PSMD14: variants seen among roughly 807,000 people sequenced by gnomAD.
PSMD14 encodes the protein ubiquitin C-terminal hydrolase PSMD14.
A neutral mutation model predicts 41.2 loss-of-function variants in PSMD14; 7 were observed. The observed-to-expected ratio is 0.17, with a 90% CI of 0.10 to 0.32. The LOEUF (loss-of-function observed/expected upper bound fraction) is 0.32, where lower values mean the gene tolerates loss of function less well. Among genes scored for constraint, PSMD14 ranks in the 10% least tolerant of loss-of-function variants. The pLI, the probability that PSMD14 is intolerant of heterozygous loss-of-function variation, is 1.00. For synonymous variants in PSMD14, 114 were observed against 122.3 expected (o/e 0.93, Z 0.45); for missense variants, 139 against 375.6 (o/e 0.37, Z 5.21).
At chr2:161,325,868 T>A (rs1049759702) in intron 3 of PSMD14, among the ~76,000 whole-genome samples, 1 of 152,170 alleles carries the variant, frequency 6.6e-6, no homozygotes, top group Non-Finnish European at 1.5e-5. Context: ...ACTTGGTTTG[T>A]AATATAAGTG....
chr2:161,367,952 T>G (rs755163761), intron 5 of PSMD14, 49 bp downstream of exon 5: 2 of 1,565,096 alleles, frequency 1.3e-6, no homozygotes, highest in African/African-American at 2.7e-5. Context: ...TTTCTTTTCA[T>G]TTTTCTTTTC....
chr2:161,315,345 A>G (rs1332007135), intron 1 of PSMD14, among the ~76,000 whole-genome samples: 1 of 152,252 alleles, frequency 6.6e-6, no homozygotes. Context: ...ATTAGAGACT[A>G]GAGTGCTATA....
At chr2:161,360,058 ATG>A (rs1328658121) in intron 3 of PSMD14, among the ~76,000 whole-genome samples, 2 of 152,074 alleles carry the variant, frequency 1.3e-5, no homozygotes, top group African/African-American at 4.8e-5. Flanking sequence ...AAAAACAAAG[ATG>A]TGTTTTTCCA....
intron 3 of PSMD14, among the ~76,000 whole-genome samples, chr2:161,364,796 G>T (rs1025344500): frequency 2.6e-5 from 4 of 152,018 alleles, no homozygotes; most frequent in Non-Finnish European, 5.9e-5. Flanking sequence ...AGTATCACTG[G>T]CTGCTGTTTT....
At chr2:161,379,470 A>C (rs1013349917) in intron 7 of PSMD14, among the ~76,000 whole-genome samples, 23 of 152,032 alleles carry the variant, frequency 1.5e-4, no homozygotes, top group Non-Finnish European at 3.1e-4. Flanking sequence ...GAATTTCCCT[A>C]AGGAAATATA....
At chr2:161,308,709 G>A (rs1377102408) in intron 1 of PSMD14, 105 bp downstream of exon 1, 1 of 152,478 alleles carries the variant, frequency 6.6e-6, no homozygotes. Flanking sequence ...AGTTGCCACA[G>A]GAGGCCTGGG....
chr2:161,363,569 G>A (rs1206674348), intron 3 of PSMD14, among the ~76,000 whole-genome samples: 1 of 152,024 alleles, frequency 6.6e-6, no homozygotes, highest in Admixed American at 6.6e-5. Flanking sequence ...CTATATTTAG[G>A]TGACTTTCTT....
chr2:161,315,418 T>A (rs1689136399), intron 1 of PSMD14, among the ~76,000 whole-genome samples: 1 of 152,212 alleles, frequency 6.6e-6, no homozygotes, highest in African/African-American at 2.4e-5. Context: ...TTTGTTGCTT[T>A]TTTTCCTTTT....
intron 3 of PSMD14, among the ~76,000 whole-genome samples, chr2:161,343,258 A>T (rs1025276090): frequency 2.6e-5 from 4 of 152,008 alleles, no homozygotes. Context: ...CCAGCATTCC[A>T]CTTTCTGTTT....
intron 3 of PSMD14, among the ~76,000 whole-genome samples, chr2:161,358,583 C>T (rs1559496): frequency 6.6e-6 from 1 of 151,974 alleles, no homozygotes; most frequent in Admixed American, 6.6e-5. Context: ...AATCTGACCA[C>T]TCCTACTCTA....
chr2:161,369,317 T>C (rs1176284558), intron 5 of PSMD14, among the ~76,000 whole-genome samples: 1 of 152,098 alleles, frequency 6.6e-6, no homozygotes, highest in Admixed American at 6.6e-5. Context: ...CAGTAAACTT[T>C]TTCTATAAAG....
At chr2:161,380,896 G>GT (rs1232899103) in intron 7 of PSMD14, among the ~76,000 whole-genome samples, 3 of 151,938 alleles carry the variant, frequency 2.0e-5, no homozygotes, top group Non-Finnish European at 2.9e-5. Context: ...TACTTCCCAG[G>GT]TCACATGCAC....
intron 3 of PSMD14, among the ~76,000 whole-genome samples, chr2:161,322,275 T>G (rs1021249462): frequency 1.2e-4 from 18 of 152,328 alleles, no homozygotes; most frequent in African/African-American, 3.8e-4. Context: ...GATACTGATT[T>G]TTATGTTGTT....
chr2:161,354,607 C>T (rs900336281), intron 3 of PSMD14, among the ~76,000 whole-genome samples: 2 of 152,088 alleles, frequency 1.3e-5, no homozygotes, highest in African/African-American at 4.8e-5. Flanking sequence ...GTGATTGGTG[C>T]TCATGGTATA....
At chr2:161,315,646 A>G (rs1024864326) in intron 1 of PSMD14, among the ~76,000 whole-genome samples, 4 of 152,142 alleles carry the variant, frequency 2.6e-5, no homozygotes, top group African/African-American at 9.6e-5. Flanking sequence ...TTTTTGGAAT[A>G]GTTGATTAAG....
At chr2:161,370,496 A>G (rs1275020279) in intron 6 of PSMD14, among the ~76,000 whole-genome samples, 1 of 152,110 alleles carries the variant, frequency 6.6e-6, no homozygotes, top group Non-Finnish European at 1.5e-5. Flanking sequence ...TGTATGTTCC[A>G]TGTATTTGAG....
intron 3 of PSMD14, among the ~76,000 whole-genome samples, chr2:161,321,292 A>G (rs916097485): frequency 4.6e-5 from 7 of 152,182 alleles, no homozygotes; most frequent in African/African-American, 1.7e-4. Context: ...AAGGCCTCAT[A>G]TGATTGAGAG....
intron 10 of PSMD14, among the ~76,000 whole-genome samples, chr2:161,395,736 T>C (rs1346933182): frequency 1.3e-5 from 2 of 152,330 alleles, no homozygotes; most frequent in East Asian, 1.9e-4. Context: ...AAAATACACA[T>C]TTATACATTA....
At chr2:161,356,322 C>G (rs1222135307) in intron 3 of PSMD14, among the ~76,000 whole-genome samples, 1 of 152,082 alleles carries the variant, frequency 6.6e-6, no homozygotes, top group Non-Finnish European at 1.5e-5. Flanking sequence ...GTTTTTCACA[C>G]TAGTTGTTTA....
Sources: allele counts gnomAD v4.1 joint callset (sites outside exome capture counted in the v4.1 genomes callset), GRCh38; gene constraint gnomAD v4.1.1; transcripts MANE v1.5; gene names NCBI Gene and HGNC (gene_info 2026-07-23, HGNC 2026-07-21).